Variants in TENM1 observed in about 807,000 individuals in gnomAD.
TENM1 encodes teneurin transmembrane protein 1, also known as teneurin-1.
A neutral mutation model predicts 174.8 loss-of-function variants in TENM1; 35 were observed. The ratio of observed to expected loss-of-function variants is 0.20; its 90% CI spans 0.15 to 0.27. The LOEUF (loss-of-function observed/expected upper bound fraction) is 0.27. TENM1 is among the 10% of genes least tolerant of loss of function. The pLI, the probability that TENM1 is intolerant of heterozygous loss-of-function variation, is 1.00. For synonymous variants in TENM1, 781 were observed against 798.7 expected (o/e 0.98, Z 0.37); for missense variants, 1,633 against 2,130.1 (o/e 0.77, Z 4.59).
chrX:124,422,539 G>A (rs773183455), exon 24 of TENM1: 2 of 1,210,537 alleles, frequency 1.7e-6, no homozygotes, highest in South Asian at 3.5e-5. Context: ...ATCCGAACAC[G>A]CCTGTTCTCA....
the TENM1 span, among the ~76,000 whole-genome samples, chrX:125,119,864 C>A: frequency 9.0e-6 from 1 of 111,222 alleles, no homozygotes; most frequent in Non-Finnish European, 1.9e-5. Context: ...CTTATAATTG[C>A]GTGGGTAGTA....
chrX:124,842,337 T>C (rs2056519653), intron 3 of TENM1, among the ~76,000 whole-genome samples: 1 of 111,874 alleles, frequency 8.9e-6, no homozygotes, highest in Non-Finnish European at 1.9e-5. Flanking sequence ...GATGAATTCC[T>C]GTGCTTGAAA....
At chrX:124,973,525 C>T in the TENM1 span, among the ~76,000 whole-genome samples, 58 of 111,712 alleles carry the variant, frequency 5.2e-4, no homozygotes, top group African/African-American at 1.3e-3. Context: ...ATTGATTCTT[C>T]GTATCCATGA....
At chrX:124,601,524 T>C (rs1311157808) in intron 11 of TENM1, among the ~76,000 whole-genome samples, 1 of 111,295 alleles carries the variant, frequency 9.0e-6, no homozygotes, top group Non-Finnish European at 1.9e-5. Flanking sequence ...AGGGCATCCA[T>C]TGAGAATGAA....
chrX:124,750,404 T>A (rs886145723), intron 3 of TENM1, among the ~76,000 whole-genome samples: 5 of 111,605 alleles, frequency 4.5e-5, no homozygotes, highest in African/African-American at 1.6e-4. Flanking sequence ...TTTAGTAAAT[T>A]TTATTGGTGC....
At chrX:125,197,587 T>A in the TENM1 span, among the ~76,000 whole-genome samples, 1 of 111,721 alleles carries the variant, frequency 9.0e-6, no homozygotes, top group African/African-American at 3.3e-5. Context: ...CCAATTTTTT[T>A]AAGTTTTAGT....
chrX:124,601,749 G>A (rs2050032143), intron 11 of TENM1, among the ~76,000 whole-genome samples: 1 of 110,174 alleles, frequency 9.1e-6, no homozygotes, highest in South Asian at 3.9e-4. Context: ...ATAGGTAGGG[G>A]CAAGGCTGAG....
At chrX:124,834,359 A>T (rs1249397646) in intron 3 of TENM1, among the ~76,000 whole-genome samples, 1 of 111,168 alleles carries the variant, frequency 9.0e-6, no homozygotes, top group Non-Finnish European at 1.9e-5. Flanking sequence ...TTTAGTAGAG[A>T]TGGGGTTTCG....
chrX:125,097,874 C>T, the TENM1 span, among the ~76,000 whole-genome samples: 4 of 112,627 alleles, frequency 3.6e-5, no homozygotes, highest in African/African-American at 3.2e-5. Flanking sequence ...CAATACACTA[C>T]GCCTACTGAT....
intron 3 of TENM1, among the ~76,000 whole-genome samples, chrX:124,743,741 A>G (rs2053853426): frequency 9.0e-6 from 1 of 111,582 alleles, no homozygotes; most frequent in Non-Finnish European, 1.9e-5. Context: ...TCTGTCAGTT[A>G]GGTTGATCTT....
At chrX:124,393,650 A>AC (rs1418679706) in intron 27 of TENM1, among the ~76,000 whole-genome samples, 1 of 111,761 alleles carries the variant, frequency 8.9e-6, no homozygotes, top group East Asian at 2.8e-4. Flanking sequence ...TTTTATTTTT[A>AC]CATAGTCTGA....
intron 19 of TENM1, among the ~76,000 whole-genome samples, chrX:124,501,285 G>T (rs965987949): frequency 1.8e-5 from 2 of 111,748 alleles, no homozygotes; most frequent in Admixed American, 9.5e-5. Context: ...ACAAGTTTCT[G>T]ATGTTTTTAT....
At chrX:125,159,489 C>G in the TENM1 span, among the ~76,000 whole-genome samples, 3 of 111,950 alleles carry the variant, frequency 2.7e-5, no homozygotes, top group Admixed American at 1.9e-4. Context: ...TCACAGTAAC[C>G]AATAGATCAG....
At chrX:124,802,565 T>G in intron 3 of TENM1, among the ~76,000 whole-genome samples, 1 of 110,832 alleles carries the variant, frequency 9.0e-6, no homozygotes, top group Non-Finnish European at 1.9e-5. Context: ...CCCATATGGC[T>G]CCCACATGGG....
Position 124,642,973 on chromosome X carries a change from T to C in TENM1, c.1877-982A>G, listed in dbSNP as rs369129912. Among the ~76,000 whole-genome samples the C allele has an allele frequency of 6.2e-5, 7 of 112,170 alleles. No individual in the cohort carries two copies. The East Asian group carries it at 1.4e-3, about 22-fold the overall frequency. The stretch of plus-strand genomic sequence containing the variant: ...AGTTTTAGGGTGTGGCTTGGGTCTG[T>C]GGAACAGAGTAAGTCTAACTAAGCA... On this transcript the variant is annotated intron_variant, in intron 10 of 31. Transcript: ENST00000422452.
chrX:124,758,040 G>T (rs1389392296), intron 3 of TENM1, among the ~76,000 whole-genome samples: 1 of 111,787 alleles, frequency 8.9e-6, no homozygotes, highest in African/African-American at 3.3e-5. Flanking sequence ...TGCAGCAAAG[G>T]AAACAATCAA....
At chrX:124,642,089 T>C (rs752305316) in intron 10 of TENM1, 98 bp from the exon 14 acceptor site, 17 of 620,616 alleles carry the variant, frequency 2.7e-5, no homozygotes, top group Non-Finnish European at 4.5e-5. Flanking sequence ...ATTGATTTCC[T>C]AGTTTATATC....
intron 3 of TENM1, among the ~76,000 whole-genome samples, chrX:124,875,780 G>A (rs1302625382): frequency 9.5e-6 from 1 of 105,650 alleles, no homozygotes; most frequent in Non-Finnish European, 1.9e-5. Context: ...GGAGGCTAAA[G>A]TGGGAGGATC....
At chrX:124,804,564 G>C (rs1178929999) in intron 3 of TENM1, among the ~76,000 whole-genome samples, 2 of 111,603 alleles carry the variant, frequency 1.8e-5, no homozygotes, top group Non-Finnish European at 3.8e-5. Context: ...CCAATGAAAA[G>C]GTTTTCAAAA....
Sources: gnomAD v4.1 joint callset for allele counts (sites outside exome capture counted in the v4.1 genomes callset) on GRCh38, gnomAD v4.1.1 for gene constraint, MANE v1.5 for transcripts, NCBI Gene and HGNC (gene_info 2026-07-23, HGNC 2026-07-21) for gene names.